Variants in SDK2 observed in about 807,000 individuals in gnomAD.
SDK2 encodes the protein sidekick cell adhesion molecule 2, also known as protein sidekick-2.
Under a neutral mutation model 253.9 loss-of-function variants are expected in SDK2, and 105 were observed. The observed-to-expected ratio is 0.41, with a 90% CI of 0.35 to 0.49. SDK2 has a LOEUF of 0.49. Ranked by LOEUF, SDK2 falls within the 20% of genes least tolerant of loss-of-function variation. The pLI is 0.06. For missense variants in SDK2, 2,608 were observed against 3,003.0 expected, an observed-to-expected ratio of 0.87 and a Z score of 3.07; for synonymous variants, 1,249 against 1,234.9, an observed-to-expected ratio of 1.01 and a Z score of -0.24.
In SDK2 at chr17:73,430,609, C is replaced by T. The variant is rs192403239; in HGVS notation, c.1485G>A (p.Arg495=). 4 of 1,561,646 alleles carry T rather than the reference C, an allele frequency of 2.6e-6. No individual in the cohort carries two copies. In the East Asian group the frequency reaches 7.1e-5, roughly 28 times the overall value. The stretch of plus-strand genomic sequence containing the variant: ...CCTGGGGGGGCTTGGTGATGCGGGT[C>T]CGAGCTGAAAGATACAGCGGAGACA... ...EASADLVVWA[R]TRITKPPQDQ... The change falls in exon 12 of 45, where the codon CGG becomes CGA. Residue 495 remains arginine (R), a synonymous_variant. Transcript: ENST00000392650.
At chr17:73,483,016 C>G (rs1330597743) in intron 2 of SDK2, among the ~76,000 whole-genome samples, 2 of 152,174 alleles carry the variant, frequency 1.3e-5, no homozygotes, top group African/African-American at 4.8e-5. Context: ...CCTGAAGTCA[C>G]CCAGCTAGGA....
At chr17:73,615,813 CACAT>C (rs1411495692) in intron 1 of SDK2, among the ~76,000 whole-genome samples, 4 of 152,268 alleles carry the variant, frequency 2.6e-5, no homozygotes, top group South Asian at 2.1e-4. Context: ...AATATATACA[CACAT>C]ACATAAACAT....
chr17:73,402,480 T>A (rs371381978), intron 18 of SDK2, among the ~76,000 whole-genome samples: 1 of 152,202 alleles, frequency 6.6e-6, no homozygotes, highest in African/African-American at 2.4e-5. Context: ...AATGAAAAAT[T>A]TAGCCCTTGT....
At chr17:73,358,996 G>T (rs2062617505) in intron 39 of SDK2, among the ~76,000 whole-genome samples, 1 of 152,026 alleles carries the variant, frequency 6.6e-6, no homozygotes, top group Non-Finnish European at 1.5e-5. Context: ...GTATCTGTCT[G>T]CAAGGGGCTC....
chr17:73,470,791 T>C (rs531962000), intron 3 of SDK2, among the ~76,000 whole-genome samples: 1 of 152,210 alleles, frequency 6.6e-6, no homozygotes, highest in East Asian at 1.9e-4. Context: ...ATGAGCTCCA[T>C]ATGAGAGGGT....
At chr17:73,430,826 G>A (rs553702999) in intron 11 of SDK2, among the ~76,000 whole-genome samples, 2 of 152,196 alleles carry the variant, frequency 1.3e-5, no homozygotes, top group African/African-American at 2.4e-5. Flanking sequence ...CTCTAAGGAC[G>A]ATCAGGACCA....
At chr17:73,359,122 G>GGT (rs2062619064) in intron 39 of SDK2, among the ~76,000 whole-genome samples, 1 of 152,088 alleles carries the variant, frequency 6.6e-6, no homozygotes, top group Admixed American at 6.5e-5. Flanking sequence ...GTACACAGTA[G>GGT]GTGCTTCCTC....
chr17:73,472,473 G>T (rs1247747891), intron 2 of SDK2, among the ~76,000 whole-genome samples: 1 of 152,188 alleles, frequency 6.6e-6, no homozygotes, highest in Non-Finnish European at 1.5e-5. Flanking sequence ...AGCAGGGAAG[G>T]TGCTGCACCC....
At chr17:73,490,076 C>G (rs182119655) in intron 2 of SDK2, among the ~76,000 whole-genome samples, 1 of 152,140 alleles carries the variant, frequency 6.6e-6, no homozygotes, top group Non-Finnish European at 1.5e-5. Flanking sequence ...CCTTCCTCCA[C>G]GACTGAGCAC....
Position 73,452,036 on chromosome 17 carries a change from C to A in SDK2, c.479+3870G>T, listed in dbSNP as rs141726373. On this transcript the variant is annotated intron_variant, in intron 4 of 44. Transcript: ENST00000392650. ...GCCCAGCCCTGCCCTCCCTTCCCCC[C>A]ACTGCTCCTGTTAATCCAGGCCATT... is the stretch of plus-strand genomic sequence containing the variant. 6.3e-3 allele frequency among the ~76,000 whole-genome samples: 952 copies of A among 152,250 alleles called. 10 individuals are homozygous for A. Among genetic ancestry groups the A allele is most frequent in the African/African-American group, 0.022 (895 of 41,522 alleles).
chr17:73,350,990 C>G (rs1485948767), intron 41 of SDK2, among the ~76,000 whole-genome samples, 200 bp from the exon 42 acceptor site: 3 of 152,280 alleles, frequency 2.0e-5, no homozygotes, highest in African/African-American at 7.2e-5. Context: ...GCCTGGAGGG[C>G]TGATGTCAGA....
At chr17:73,617,327 G>C (rs180693893) in intron 1 of SDK2, among the ~76,000 whole-genome samples, 3 of 149,150 alleles carry the variant, frequency 2.0e-5, no homozygotes, top group Non-Finnish European at 4.5e-5. Flanking sequence ...GGCCTCCTGC[G>C]GAGGGGAGGG....
At position 73,380,956 on chromosome 17, in the gene SDK2, G is replaced by T; in HGVS notation, c.4706-6C>A. On this transcript the variant is annotated splice_region_variant and splice_polypyrimidine_tract_variant and intron_variant, in intron 33 of 44. Coordinates refer to ENST00000392650, the MANE Select transcript of SDK2 (RefSeq NM_001144952.2). Reference sequence around the variant, plus strand: ...GTTCCGCATGGAGTACATGGCTATGGGGTGGGGGTGCCGGGGCGGGGGCGC... The same window carrying T: ...GTTCCGCATGGAGTACATGGCTATGTGGTGGGGGTGCCGGGGCGGGGGCGC... 1 of 1,547,980 alleles carries T rather than the reference G, an allele frequency of 6.5e-7. No individual in the cohort carries two copies. The highest frequency in any genetic ancestry group is 8.8e-7 in the Non-Finnish European group (1 of 1,141,684).
chr17:73,401,287 T>C, intron 20 of SDK2, 76 bp from the exon 21 acceptor site: 1 of 1,327,358 alleles, frequency 7.5e-7, no homozygotes, highest in Non-Finnish European at 1.0e-6. Flanking sequence ...CACTTCTCAC[T>C]TCTCCACTAG....
At position 73,401,677 on chromosome 17, in the gene SDK2, C is replaced by G. The variant is rs1248494677; in HGVS notation, c.2756G>C (p.Gly919Ala). ...ACCTGTGAGGATGCCATTTTTCTCT[C>G]CCGGCTCTTGCCAGCTGACCTTCAG... is the stretch of plus-strand genomic sequence containing the variant. ...TSLKVSWQEP[G>A]EKNGILTGYR... is the part of the protein sequence containing the mutation. The change falls in exon 20 of 45, where the codon GGA (glycine) becomes GCA (alanine). Residue 919 changes from glycine to alanine, a missense_variant. Gly to Ala is a moderately conservative substitution (Grantham distance 60, BLOSUM62 0). Transcript: ENST00000392650. 5 of 1,593,880 alleles carry G rather than the reference C, an allele frequency of 3.1e-6. 1 individual carries two copies. The South Asian group carries it at 5.7e-5, about 18-fold the overall frequency.
At chr17:73,631,376 G>A (rs533768006) in intron 1 of SDK2, among the ~76,000 whole-genome samples, 7 of 152,328 alleles carry the variant, frequency 4.6e-5, no homozygotes, top group African/African-American at 1.2e-4. Flanking sequence ...AAGCCAACAC[G>A]CACACTGCCC....
chr17:73,392,578 TA>T (rs1313224251), intron 27 of SDK2, among the ~76,000 whole-genome samples: 1 of 152,238 alleles, frequency 6.6e-6, no homozygotes, highest in African/African-American at 2.4e-5. Context: ...CTGAGATTTC[TA>T]AACTTGAACC....
chr17:73,341,800 C>T (rs1025984517), intron 44 of SDK2, among the ~76,000 whole-genome samples: 1 of 152,132 alleles, frequency 6.6e-6, no homozygotes, highest in African/African-American at 2.4e-5. Context: ...TAATGATCCC[C>T]GCTAATGGAG....
intron 1 of SDK2, among the ~76,000 whole-genome samples, chr17:73,604,281 G>A (rs1015186813): frequency 1.3e-5 from 2 of 152,206 alleles, no homozygotes; most frequent in Non-Finnish European, 2.9e-5. Context: ...GGTGGAAAAG[G>A]CGATTCAGAG....
Sources: gnomAD v4.1 joint callset for allele counts (sites outside exome capture counted in the v4.1 genomes callset) on GRCh38, gnomAD v4.1.1 for gene constraint, MANE v1.5 for transcripts, NCBI Gene and HGNC (gene_info 2026-07-23, HGNC 2026-07-21) for gene names.